The following BMP2K variants were observed in gnomAD, a reference collection of about 807,000 sequenced individuals.
BMP2K encodes BMP2 inducible kinase, also known as BMP-2-inducible protein kinase.
Under a neutral mutation model 116.0 loss-of-function variants are expected in BMP2K, and 74 were observed. That is an observed-to-expected ratio of 0.64 (90% confidence interval 0.53 to 0.77). The LOEUF (loss-of-function observed/expected upper bound fraction) is 0.77. Ranked by LOEUF, BMP2K falls within the 30% of genes least tolerant of loss-of-function variation. The probability of loss-of-function intolerance (pLI) is 0.00; values close to 1 mark genes in which losing one functional copy is unlikely to be tolerated. For synonymous variants in BMP2K, 486 were observed against 502.5 expected, an observed-to-expected ratio of 0.97 and a Z score of 0.44; for missense variants, 1,365 against 1,403.6, an observed-to-expected ratio of 0.97 and a Z score of 0.44.
At chr4:78,833,541 A>C (rs1327925830) in intron 2 of BMP2K, 41 bp from the exon 3 acceptor site, 1 of 1,328,486 alleles carries the variant, frequency 7.5e-7, no homozygotes, top group Non-Finnish European at 1.0e-6. Context: ...TATACCTTTA[A>C]ATGTACATTT....
chr4:78,894,947 C>T (rs62307966), intron 15 of BMP2K, among the ~76,000 whole-genome samples: 10,470 of 152,116 alleles, frequency 0.069, 501 homozygotes, highest in East Asian at 0.22. Flanking sequence ...GAGAGAGACA[C>T]GGAACAGCTG....
At chr4:78,786,198 A>G (rs1727717774) in intron 1 of BMP2K, among the ~76,000 whole-genome samples, 1 of 152,134 alleles carries the variant, frequency 6.6e-6, no homozygotes, top group South Asian at 2.1e-4. Flanking sequence ...TGATTGGGTC[A>G]TGAGAGCCCT....
chr4:78,844,297 G>T (rs552588365), intron 4 of BMP2K, among the ~76,000 whole-genome samples: 1 of 151,746 alleles, frequency 6.6e-6, no homozygotes, highest in Admixed American at 6.6e-5. Flanking sequence ...CTAGTTAGTA[G>T]GAGATTGGGC....
Position 78,776,357 on chromosome 4 carries a change from G to C in BMP2K, c.-187G>C. 2.2e-6 allele frequency: 1 copy of C among 461,144 alleles called. No individual in the cohort carries two copies. Among genetic ancestry groups the C allele is most frequent in the Non-Finnish European group, 3.0e-6 (1 of 336,130 alleles). 28.6% of individuals were successfully genotyped at this position (461,144 alleles called of 1,614,324 possible). Reference sequence around the variant, plus strand: ...CCTCTGCGGGAGCCGGGCAGCTGCAGCGGAGCCGCGGAGCGGGCGGCGGGG... The same window carrying C: ...CCTCTGCGGGAGCCGGGCAGCTGCACCGGAGCCGCGGAGCGGGCGGCGGGG... On this transcript the variant is annotated 5_prime_UTR_variant, in exon 1 of 16. Coordinates refer to ENST00000502613, the MANE Select transcript of BMP2K (RefSeq NM_198892.2).
intron 15 of BMP2K, among the ~76,000 whole-genome samples, chr4:78,909,835 A>G (rs1405194782): frequency 6.6e-6 from 1 of 152,168 alleles, no homozygotes. Context: ...TTTACTCACC[A>G]ATGTATAATC....
At chr4:78,872,979 T>C (rs577480705) in intron 13 of BMP2K, among the ~76,000 whole-genome samples, 181 bp downstream of exon 13, 15 of 152,234 alleles carry the variant, frequency 9.9e-5, no homozygotes, top group Non-Finnish European at 1.9e-4. Context: ...GTTTCCTCAG[T>C]TAATTCTGCT....
At chr4:78,883,696 G>A (rs1732958178) in intron 14 of BMP2K, among the ~76,000 whole-genome samples, 1 of 152,168 alleles carries the variant, frequency 6.6e-6, no homozygotes, top group Non-Finnish European at 1.5e-5. Context: ...CCCAGTGCAT[G>A]AGGATTTAAA....
At chr4:78,847,362 C>T in intron 6 of BMP2K, 93 bp downstream of exon 6, 1 of 808,316 alleles carries the variant, frequency 1.2e-6, no homozygotes, top group East Asian at 3.1e-5. Context: ...AAAGGCATTT[C>T]CTAATAAGTA....
intron 15 of BMP2K, among the ~76,000 whole-genome samples, chr4:78,909,936 A>G (rs1199853827): frequency 6.6e-6 from 1 of 151,088 alleles, no homozygotes. Flanking sequence ...ACATCTCCAG[A>G]TGGTTTAGAT....
chr4:78,844,178 A>C (rs1175930199), intron 4 of BMP2K, among the ~76,000 whole-genome samples: 1 of 151,746 alleles, frequency 6.6e-6, no homozygotes, highest in East Asian at 1.9e-4. Context: ...TAACTCATTT[A>C]ATGTTCACAA....
At chr4:78,850,890 G>C (rs1731217853) in intron 6 of BMP2K, 34 bp from the exon 7 acceptor site, 1 of 1,601,910 alleles carries the variant, frequency 6.2e-7, no homozygotes, top group Non-Finnish European at 8.5e-7. Flanking sequence ...GTTAACTTGA[G>C]CTCTAATGAT....
Position 78,897,673 on chromosome 4 carries a change from C to A in BMP2K, c.2062+10389C>A, listed in dbSNP as rs147884135. On this transcript the variant is annotated intron_variant, in intron 15 of 15. Transcript: ENST00000502613. ...TAGCATTTTTTATAGCGCTAAGTATCCTACCATGTACAGATAATTTGTTTT... is the reference window on the plus strand; with the variant it reads ...TAGCATTTTTTATAGCGCTAAGTATACTACCATGTACAGATAATTTGTTTT... Among the ~76,000 whole-genome samples the A allele has an allele frequency of 5.1e-3, 776 of 152,182 alleles. 8 individuals carry two copies. Among genetic ancestry groups the A allele is most frequent in the African/African-American group, 0.018 (740 of 41,524 alleles).
chr4:78,892,379 AATAATGTTCCAGTATC>A (rs1490620396), intron 15 of BMP2K, among the ~76,000 whole-genome samples: 1 of 152,158 alleles, frequency 6.6e-6, no homozygotes, highest in Non-Finnish European at 1.5e-5. Context: ...TGAAGTTTTT[AATAATGTTCCAGTATC>A]ATCATTTGAA....
chr4:78,827,304 A>G (rs1185243719), intron 2 of BMP2K, among the ~76,000 whole-genome samples: 3 of 151,856 alleles, frequency 2.0e-5, no homozygotes, highest in Non-Finnish European at 4.4e-5. Context: ...AGCCCGGTCC[A>G]GAGTCAATGT....
At position 78,776,612 on chromosome 4, in the gene BMP2K, T is replaced by TGGCGGGGCC. The variant is rs1388423398; in HGVS notation, c.72_80dup (p.Gly25_Gly27dup). ...GCGGCGGAGCGGCGGGTGGCGGGGC[T>TGGCGGGGCC]GGCGGGGCCGGGGCCGGGGCCGGCT... On this transcript the variant is annotated inframe_insertion, in exon 1 of 16. Coordinates refer to ENST00000502613, the MANE Select transcript of BMP2K (RefSeq NM_198892.2). The TGGCGGGGCC allele has an allele frequency of 2.4e-3, 2,795 of 1,150,390 alleles. 2 individuals are homozygous for TGGCGGGGCC. Among genetic ancestry groups the TGGCGGGGCC allele is most frequent in the Non-Finnish European group, 2.8e-3 (2,628 of 926,732 alleles). The allele number at this position is 1,150,390 out of a possible 1,614,324, so 71.3% of individuals were successfully genotyped here. A position where few individuals can be genotyped will look rare whatever the true frequency, so the allele number is the denominator to read the frequency against.
intron 15 of BMP2K, among the ~76,000 whole-genome samples, chr4:78,898,657 C>CAA (rs76934935): frequency 2.5e-5 from 3 of 121,232 alleles, no homozygotes. Context: ...GACTCCATCT[C>CAA]AAAAAAAAAA....
chr4:78,786,190 AT>A (rs906817752), intron 1 of BMP2K, among the ~76,000 whole-genome samples: 65 of 152,178 alleles, frequency 4.3e-4, no homozygotes, highest in African/African-American at 1.4e-3. Flanking sequence ...TTGGGAAATG[AT>A]TGGGTCATGA....
chr4:78,860,148 A>G (rs991221809), intron 8 of BMP2K: 4 of 482,928 alleles, frequency 8.3e-6, no homozygotes, highest in South Asian at 1.5e-5. Flanking sequence ...ATGTGTACGC[A>G]TAGATATAGA....
intron 15 of BMP2K, among the ~76,000 whole-genome samples, chr4:78,909,278 C>T (rs1024857977): frequency 3.9e-5 from 6 of 151,944 alleles, no homozygotes; most frequent in Admixed American, 1.3e-4. Flanking sequence ...CCTCGTGATC[C>T]ACCCGCCTTG....
Sources: gnomAD v4.1 joint callset for allele counts (sites outside exome capture counted in the v4.1 genomes callset) on GRCh38, gnomAD v4.1.1 for gene constraint, MANE v1.5 for transcripts, NCBI Gene and HGNC (gene_info 2026-07-23, HGNC 2026-07-21) for gene names.